The following NFIB variants were observed in gnomAD, a reference collection of about 807,000 sequenced individuals.
NFIB encodes the protein nuclear factor 1 B-type.
NFIB carries 11 observed loss-of-function variants against 61.5 expected under a neutral mutation model. That is an observed-to-expected ratio of 0.18 (90% CI 0.11 to 0.30). NFIB has a LOEUF of 0.30. Ranked by LOEUF, NFIB falls within the 10% of genes least tolerant of loss-of-function variation. NFIB has a pLI of 1.00. For synonymous variants in NFIB, 260 were observed against 216.5 expected (o/e 1.20, Z -1.76); for missense variants, 471 against 608.9 (o/e 0.77, Z 2.38).
At chr9:14,219,310 T>A (rs1410837351) in intron 2 of NFIB, among the ~76,000 whole-genome samples, 1 of 142,744 alleles carries the variant, frequency 7.0e-6, no homozygotes, top group African/African-American at 2.6e-5. Context: ...TTAACTATTA[T>A]ATAGATTGAC....
chr9:14,488,694 G>A, the NFIB span, among the ~76,000 whole-genome samples: 1 of 152,114 alleles, frequency 6.6e-6, no homozygotes, highest in Non-Finnish European at 1.5e-5. Context: ...CCTTCCTTGA[G>A]TAATGATTCT....
At position 14,264,656 on chromosome 9, in the gene NFIB, G is replaced by A. The variant is rs75548040; in HGVS notation, c.562+42333C>T. Among the ~76,000 whole-genome samples, 710 of 151,756 alleles carry A rather than the reference G, an allele frequency of 4.7e-3. 6 individuals are homozygous for A. The highest frequency in any genetic ancestry group is 6.8e-3 in the Non-Finnish European group (463 of 67,640). On this transcript the variant is annotated intron_variant, in intron 2 of 10. Coordinates refer to ENST00000380953, the MANE Select transcript of NFIB (RefSeq NM_001190737.2). ...TGCTATATGTCCCCTACAATATTAA[G>A]TACATACTTCTTTCCTGGATCTGTT... is the stretch of plus-strand genomic sequence containing the variant.
At chr9:14,511,145 T>C in the NFIB span, among the ~76,000 whole-genome samples, 1 of 152,178 alleles carries the variant, frequency 6.6e-6, no homozygotes, top group South Asian at 2.1e-4. Flanking sequence ...CTAGCAATGC[T>C]TCTTTATCTT....
chr9:14,329,345 A>G (rs2060793456), intron 1 of NFIB, among the ~76,000 whole-genome samples: 1 of 152,086 alleles, frequency 6.6e-6, no homozygotes, highest in African/African-American at 2.4e-5. Context: ...CAGCCTCACC[A>G]TAACTACTGT....
chr9:14,097,245 C>T (rs1262975072), intron 10 of NFIB, among the ~76,000 whole-genome samples: 1 of 152,120 alleles, frequency 6.6e-6, no homozygotes, highest in Non-Finnish European at 1.5e-5. Flanking sequence ...TTGGTTTTTG[C>T]AATTCTCCAC....
At chr9:14,433,667 A>G in the NFIB span, among the ~76,000 whole-genome samples, 1 of 152,328 alleles carries the variant, frequency 6.6e-6, no homozygotes, top group East Asian at 1.9e-4. Flanking sequence ...GAACTTAAGT[A>G]GTTGTAATTA....
chr9:14,451,905 G>A, the NFIB span, among the ~76,000 whole-genome samples: 2 of 151,214 alleles, frequency 1.3e-5, no homozygotes, highest in Non-Finnish European at 2.9e-5. Context: ...TGAACCTGTC[G>A]TCCTGTTTTA....
intron 3 of NFIB, 112 bp downstream of exon 3, chr9:14,179,615 T>C: frequency 1.8e-6 from 2 of 1,142,694 alleles, no homozygotes; most frequent in African/African-American, 1.5e-5. Flanking sequence ...CGATCATACC[T>C]GCCTGCCAGA....
At chr9:14,477,928 C>A in the NFIB span, among the ~76,000 whole-genome samples, 6 of 152,114 alleles carry the variant, frequency 3.9e-5, no homozygotes, top group Non-Finnish European at 7.4e-5. Context: ...TCTTCCAGAC[C>A]CATAAGATCT....
intron 4 of NFIB, among the ~76,000 whole-genome samples, chr9:14,151,854 G>T (rs2890979): frequency 0.92 from 139,210 of 152,118 alleles, 64,320 homozygotes; most frequent in Non-Finnish European, 0.99. Flanking sequence ...CCCCTGAGAT[G>T]CACTCTAAGC....
At chr9:14,244,390 T>C (rs563110540) in intron 2 of NFIB, among the ~76,000 whole-genome samples, 2 of 152,332 alleles carry the variant, frequency 1.3e-5, no homozygotes, top group East Asian at 3.9e-4. Context: ...GAGTCACTAA[T>C]ACATTCTGAA....
intron 3 of NFIB, among the ~76,000 whole-genome samples, chr9:14,177,695 A>C (rs1192210502): frequency 6.6e-6 from 1 of 152,182 alleles, no homozygotes; most frequent in Non-Finnish European, 1.5e-5. Context: ...TAATCATAAA[A>C]TGTATTTATC....
chr9:14,334,853 A>C (rs1438376483), intron 1 of NFIB, among the ~76,000 whole-genome samples: 1 of 151,690 alleles, frequency 6.6e-6, no homozygotes, highest in Admixed American at 6.6e-5. Flanking sequence ...GTCCTTTTCT[A>C]CCTCCCTTAC....
the NFIB span, among the ~76,000 whole-genome samples, chr9:14,475,805 T>C: frequency 3.3e-5 from 5 of 152,192 alleles, no homozygotes; most frequent in African/African-American, 1.2e-4. Context: ...ACAAAATTTA[T>C]GGTTTTTACC....
intron 2 of NFIB, among the ~76,000 whole-genome samples, chr9:14,256,835 G>A (rs1236215340): frequency 6.6e-6 from 1 of 152,162 alleles, no homozygotes; most frequent in Non-Finnish European, 1.5e-5. Context: ...AGCATCCTGA[G>A]GCCGTTAACT....
At chr9:14,363,057 G>C (rs559241881) in intron 1 of NFIB, among the ~76,000 whole-genome samples, 56 of 152,098 alleles carry the variant, frequency 3.7e-4, no homozygotes, top group African/African-American at 1.3e-3. Flanking sequence ...TCATTTTATT[G>C]AGTCCCTTTA....
intron 1 of NFIB, among the ~76,000 whole-genome samples, chr9:14,393,549 C>G (rs1437758159): frequency 1.3e-5 from 2 of 152,168 alleles, no homozygotes; most frequent in East Asian, 3.9e-4. Context: ...TCTGCTGTAC[C>G]TGGTAACCTT....
At chr9:14,439,119 C>T in the NFIB span, among the ~76,000 whole-genome samples, 1 of 152,084 alleles carries the variant, frequency 6.6e-6, no homozygotes, top group Non-Finnish European at 1.5e-5. Flanking sequence ...GCCTAAAATC[C>T]CAGCACTTTG....
the NFIB span, among the ~76,000 whole-genome samples, chr9:14,450,190 A>C: frequency 1.3e-5 from 2 of 151,946 alleles, no homozygotes; most frequent in Admixed American, 1.3e-4. Context: ...TCTTTGTTCA[A>C]TTCCCACCGA....
Sources: gnomAD v4.1 joint callset for allele counts (sites outside exome capture counted in the v4.1 genomes callset) on GRCh38, gnomAD v4.1.1 for gene constraint, MANE v1.5 for transcripts, NCBI Gene and HGNC (gene_info 2026-07-23, HGNC 2026-07-21) for gene names.